FAM163A: variants seen among roughly 807,000 people sequenced by gnomAD.
FAM163A encodes protein FAM163A.
In FAM163A, 7 loss-of-function variants were observed where a neutral mutation model predicts 12.0. The observed-to-expected ratio is 0.58, with a 90% CI of 0.33 to 1.10. The LOEUF (loss-of-function observed/expected upper bound fraction) is 1.10, where lower values mean the gene tolerates loss of function less well. Ranked by LOEUF, FAM163A falls within the 50% of genes least tolerant of loss-of-function variation. The pLI is 0.03. For missense variants in FAM163A, 202 were observed against 218.6 expected, an observed-to-expected ratio of 0.92 and a Z score of 0.48; for synonymous variants, 101 against 91.0, an observed-to-expected ratio of 1.11 and a Z score of -0.62.
chr1:179,784,804 G>T (rs1169077095), intron 1 of FAM163A, among the ~76,000 whole-genome samples: 2 of 152,212 alleles, frequency 1.3e-5, no homozygotes, highest in African/African-American at 4.8e-5. Flanking sequence ...TGCTGGGGGT[G>T]TGGAGTATTC....
chr1:179,767,781 A>G (rs916886704), intron 1 of FAM163A, among the ~76,000 whole-genome samples: 14 of 152,110 alleles, frequency 9.2e-5, no homozygotes, highest in African/African-American at 3.4e-4. Flanking sequence ...GCATCCCAGA[A>G]TTTTACGATG....
chr1:179,733,551 T>C, the FAM163A span, among the ~76,000 whole-genome samples: 1 of 152,260 alleles, frequency 6.6e-6, no homozygotes, highest in South Asian at 2.1e-4. Context: ...GTTCCTTATA[T>C]AATTGATGAT....
At chr1:179,739,683 A>G (rs1198947345), upstream of FAM163A, among the ~76,000 whole-genome samples, 16 of 152,206 alleles carry the variant, frequency 1.1e-4, no homozygotes, top group Non-Finnish European at 1.5e-5. Flanking sequence ...AACTCTGAAA[A>G]TTCAACAGTC....
At position 179,814,779 on chromosome 1, in the gene FAM163A, C is replaced by T. The variant is rs986842400; in HGVS notation, c.*590C>T. ...GCTACTGCTGTCACTGTAGCTGCTCCCGTAGGGTCGTTGATTCCTGAACGT... is the reference window on the plus strand; with the variant it reads ...GCTACTGCTGTCACTGTAGCTGCTCTCGTAGGGTCGTTGATTCCTGAACGT... On this transcript the variant is annotated 3_prime_UTR_variant, in exon 5 of 5. Coordinates refer to ENST00000341785, the MANE Select transcript of FAM163A (RefSeq NM_173509.3). 5.2e-5 allele frequency: 8 copies of T among 153,348 alleles called. No individual in the cohort carries two copies. Among genetic ancestry groups the T allele is most frequent in the African/African-American group, 1.9e-4 (8 of 41,420 alleles). The allele number at this position is 153,348 out of a possible 1,614,324, so 9.5% of individuals were successfully genotyped here. A position where few individuals can be genotyped will look rare whatever the true frequency, so the allele number is the denominator to read the frequency against.
At position 179,816,068 on chromosome 1, in the gene FAM163A, C is replaced by G. The variant is rs911823039; in HGVS notation, c.*1879C>G. 8 of 152,186 alleles carry G rather than the reference C, an allele frequency of 5.3e-5. No homozygotes were observed. The highest frequency in any genetic ancestry group is 1.0e-4 in the Non-Finnish European group (7 of 68,064). The allele number at this position is 152,186 out of a possible 1,614,324, so 9.4% of individuals were successfully genotyped here. A position where few individuals can be genotyped will look rare whatever the true frequency, so the allele number is the denominator to read the frequency against. ...GTGAGAATTTCCGAAAAAGATCTGC[C>G]GGCCCAGAGCACTCCCTCTTGCCCT... On this transcript the variant is annotated 3_prime_UTR_variant, in exon 5 of 5. Coordinates refer to ENST00000341785, the MANE Select transcript of FAM163A (RefSeq NM_173509.3).
intron 1 of FAM163A, among the ~76,000 whole-genome samples, chr1:179,763,820 G>A (rs1216925474): frequency 6.6e-6 from 1 of 152,120 alleles, no homozygotes; most frequent in Non-Finnish European, 1.5e-5. Context: ...TTGTGCAATG[G>A]GTACAAGACA....
At chr1:179,767,942 C>A (rs911290337) in intron 1 of FAM163A, among the ~76,000 whole-genome samples, 7 of 152,188 alleles carry the variant, frequency 4.6e-5, no homozygotes, top group Admixed American at 2.6e-4. Flanking sequence ...GGCAACAGAT[C>A]TCTAGATAAT....
At chr1:179,810,682 G>GCGAGTCTCACACTGTATC (rs1694589473) in intron 2 of FAM163A, among the ~76,000 whole-genome samples, 1 of 152,172 alleles carries the variant, frequency 6.6e-6, no homozygotes, top group African/African-American at 2.4e-5. Flanking sequence ...TTCTGTGGCT[G>GCGAGTCTCACACTGTATC]CGAGTCTCAC....
intron 2 of FAM163A, among the ~76,000 whole-genome samples, 182 bp from the exon 3 acceptor site, chr1:179,811,924 GTCTA>G (rs1694759333): frequency 6.6e-6 from 1 of 152,168 alleles, no homozygotes; most frequent in African/African-American, 2.4e-5. Flanking sequence ...CCACTGAAAT[GTCTA>G]TCTACTAGCA....
At chr1:179,787,612 G>A (rs942367226) in intron 1 of FAM163A, among the ~76,000 whole-genome samples, 3 of 152,208 alleles carry the variant, frequency 2.0e-5, no homozygotes, top group African/African-American at 7.2e-5. Flanking sequence ...CAGGGCCTGA[G>A]CATGAGGTCT....
chr1:179,755,843 A>G (rs1489042044), intron 1 of FAM163A, among the ~76,000 whole-genome samples: 1 of 152,132 alleles, frequency 6.6e-6, no homozygotes, highest in Non-Finnish European at 1.5e-5. Flanking sequence ...CCCGCAATCC[A>G]TGATAATGTC....
chr1:179,813,365 G>A (rs200877035), intron 4 of FAM163A, among the ~76,000 whole-genome samples, 175 bp downstream of exon 4: 24 of 152,208 alleles, frequency 1.6e-4, no homozygotes, highest in South Asian at 4.2e-4. Flanking sequence ...GGAGCTAAGT[G>A]CCCCCCAGCC....
At chr1:179,735,512 T>TTTTTTC in the FAM163A span, among the ~76,000 whole-genome samples, 1 of 137,838 alleles carries the variant, frequency 7.3e-6, no homozygotes, top group Non-Finnish European at 1.6e-5. Flanking sequence ...TTTTTTTTTT[T>TTTTTTC]TTTTTTTTTG....
intron 1 of FAM163A, among the ~76,000 whole-genome samples, chr1:179,785,115 A>G (rs1162256250): frequency 1.3e-5 from 2 of 152,332 alleles, no homozygotes; most frequent in South Asian, 2.1e-4. Context: ...TCAGTGCGTC[A>G]GGAAGGCTGT....
chr1:179,742,888 G>C (rs373960992), upstream of FAM163A, among the ~76,000 whole-genome samples: 6 of 152,262 alleles, frequency 3.9e-5, no homozygotes, highest in Admixed American at 1.3e-4. Context: ...GGCACAGTGC[G>C]GGCCGGAAAT....
intron 1 of FAM163A, among the ~76,000 whole-genome samples, chr1:179,746,014 A>T (rs1435066174): frequency 1.3e-5 from 2 of 152,242 alleles, no homozygotes; most frequent in Non-Finnish European, 2.9e-5. Flanking sequence ...AACAGCCAGC[A>T]CTTCCTTCTC....
chr1:179,795,802 A>G (rs372277340), intron 1 of FAM163A, among the ~76,000 whole-genome samples: 20 of 152,004 alleles, frequency 1.3e-4, no homozygotes, highest in African/African-American at 4.8e-4. Flanking sequence ...CGTGTTTCCC[A>G]CCAAATCACT....
chr1:179,793,286 A>C (rs1691785906), intron 1 of FAM163A, among the ~76,000 whole-genome samples: 1 of 151,162 alleles, frequency 6.6e-6, no homozygotes, highest in Non-Finnish European at 1.5e-5. Flanking sequence ...ATATGTCTAC[A>C]TGTCACATAT....
intron 1 of FAM163A, among the ~76,000 whole-genome samples, chr1:179,768,606 C>G (rs1246247116): frequency 6.6e-6 from 1 of 151,748 alleles, no homozygotes; most frequent in African/African-American, 2.4e-5. Context: ...TATATGGACA[C>G]TGGATTTTTT....
Sources: allele counts gnomAD v4.1 joint callset (sites outside exome capture counted in the v4.1 genomes callset), GRCh38; gene constraint gnomAD v4.1.1; transcripts MANE v1.5; gene names NCBI Gene and HGNC (gene_info 2026-07-23, HGNC 2026-07-21).